The following UBR3 variants were observed in gnomAD, a reference collection of about 807,000 sequenced individuals.
UBR3 encodes the protein ubiquitin protein ligase E3 component n-recognin 3.
Under a neutral mutation model 243.2 loss-of-function variants are expected in UBR3, and 85 were observed. The ratio of observed to expected loss-of-function variants is 0.35; its 90% CI spans 0.29 to 0.42. UBR3 has a LOEUF of 0.42. Among genes scored for constraint, UBR3 ranks in the 10% least tolerant of loss-of-function variants. UBR3 has a pLI of 1.00. For synonymous variants in UBR3, 748 were observed against 799.8 expected, an observed-to-expected ratio of 0.94 and a Z score of 1.09; for missense variants, 1,686 against 2,300.8, an observed-to-expected ratio of 0.73 and a Z score of 5.47.
At chr2:170,075,325 T>C (rs2091784529) in intron 36 of UBR3, among the ~76,000 whole-genome samples, 1 of 152,086 alleles carries the variant, frequency 6.6e-6, no homozygotes. Flanking sequence ...CTTTGATGTC[T>C]GAAAACCTAT....
chr2:169,911,290 T>C (rs550788189), intron 10 of UBR3, among the ~76,000 whole-genome samples: 1 of 152,218 alleles, frequency 6.6e-6, no homozygotes, highest in South Asian at 2.1e-4. Flanking sequence ...CAACTATAGG[T>C]TACTACAGAC....
chr2:170,018,403 T>C (rs1318566477), intron 30 of UBR3, among the ~76,000 whole-genome samples: 7 of 152,294 alleles, frequency 4.6e-5, no homozygotes, highest in South Asian at 4.1e-4. Context: ...TTCTCACATA[T>C]AGCATAGCTG....
chr2:169,912,109 A>G (rs894386535), intron 10 of UBR3, among the ~76,000 whole-genome samples: 1 of 152,198 alleles, frequency 6.6e-6, no homozygotes, highest in Non-Finnish European at 1.5e-5. Context: ...TTAAAAAGGC[A>G]TATTTATATA....
At chr2:169,933,083 TATG>T in intron 19 of UBR3, 75 bp downstream of exon 19, 5 of 960,094 alleles carry the variant, frequency 5.2e-6, no homozygotes, top group Non-Finnish European at 7.7e-6. Flanking sequence ...ATAACACAGA[TATG>T]ATATGCTCTC....
chr2:169,891,955 A>G (rs184731551), intron 6 of UBR3, among the ~76,000 whole-genome samples: 2 of 152,212 alleles, frequency 1.3e-5, no homozygotes, highest in Non-Finnish European at 2.9e-5. Context: ...AGGGATTTTC[A>G]TATCTTAACG....
At chr2:169,948,944 C>T (rs1324093133) in intron 22 of UBR3, among the ~76,000 whole-genome samples, 1 of 151,488 alleles carries the variant, frequency 6.6e-6, no homozygotes, top group East Asian at 1.9e-4. Context: ...AAATCATAGT[C>T]CTTGACCCAC....
chr2:169,902,611 GTCT>G (rs2084870272), intron 8 of UBR3, among the ~76,000 whole-genome samples: 1 of 80,260 alleles, frequency 1.2e-5, no homozygotes, highest in South Asian at 6.2e-4. Flanking sequence ...CCTCAGGAGA[GTCT>G]TTTTTTTTTT....
intron 1 of UBR3, among the ~76,000 whole-genome samples, chr2:169,864,799 C>T (rs1022334092): frequency 4.0e-5 from 6 of 150,510 alleles, no homozygotes; most frequent in Non-Finnish European, 5.9e-5. Flanking sequence ...CCCAGCTACT[C>T]GGAAGGCTGA....
intron 30 of UBR3, among the ~76,000 whole-genome samples, chr2:170,029,049 G>A (rs1405164686): frequency 6.6e-6 from 1 of 151,922 alleles, no homozygotes; most frequent in Non-Finnish European, 1.5e-5. Flanking sequence ...AGTACAAACT[G>A]GCAAGGCTGC....
intron 10 of UBR3, among the ~76,000 whole-genome samples, chr2:169,910,742 A>T (rs766542781): frequency 1.0e-3 from 155 of 152,262 alleles, no homozygotes; most frequent in Middle Eastern, 6.8e-3. Context: ...ATCTCCTATA[A>T]AGTACATGGC....
intron 10 of UBR3, among the ~76,000 whole-genome samples, chr2:169,908,949 G>A (rs2085133252): frequency 1.3e-5 from 2 of 149,920 alleles, no homozygotes; most frequent in South Asian, 2.1e-4. Flanking sequence ...TCAGCCTCCC[G>A]AGTAGGTGGG....
intron 27 of UBR3, among the ~76,000 whole-genome samples, chr2:170,001,942 A>G (rs1484079892): frequency 1.6e-5 from 2 of 125,234 alleles, no homozygotes; most frequent in South Asian, 2.4e-4. Flanking sequence ...AAAAAAAAAA[A>G]GAAAGAAAAA....
Position 169,832,793 on chromosome 2 carries a change from C to T in UBR3, c.545+4741C>T, listed in dbSNP as rs372320744. ...TACTAAAAATACAAAATTATCTGGG[C>T]ATGATGGTGCATGCCTGTAATCCCA... On this transcript the variant is annotated intron_variant, in intron 1 of 38. Coordinates refer to ENST00000272793, the MANE Select transcript of UBR3 (RefSeq NM_172070.4). Among the ~76,000 whole-genome samples the T allele has an allele frequency of 2.6e-5, 4 of 151,786 alleles. No individual in the cohort carries two copies. The South Asian group carries it at 6.3e-4, about 24-fold the overall frequency.
rs867793391 is a variant in UBR3, at chr2:169,890,563, A to G, written c.1039-602A>G. 4.1e-3 allele frequency among the ~76,000 whole-genome samples: 340 copies of G among 83,888 alleles called. 29 individuals are homozygous for G. The highest frequency in any genetic ancestry group is 0.016 in the African/African-American group (323 of 19,714). 55.0% of individuals were successfully genotyped at this position (83,888 alleles called of 152,430 possible). A position where few individuals can be genotyped will look rare whatever the true frequency, so the allele number is the denominator to read the frequency against. ...GAGATATATATATATATATATATAT[A>G]TGTGTATATATATATATGTATATAT... On this transcript the variant is annotated intron_variant, in intron 5 of 38. Transcript: ENST00000272793.
intron 3 of UBR3, among the ~76,000 whole-genome samples, chr2:169,876,770 G>A (rs929419077): frequency 1.3e-5 from 2 of 152,024 alleles, no homozygotes; most frequent in Admixed American, 6.6e-5. Flanking sequence ...AACCATGTTG[G>A]CCAGGCTGGT....
intron 1 of UBR3, among the ~76,000 whole-genome samples, chr2:169,842,781 G>A (rs1384606548): frequency 6.6e-6 from 1 of 152,202 alleles, no homozygotes; most frequent in Non-Finnish European, 1.5e-5. Flanking sequence ...CACCTTAAGA[G>A]CTGTAACACC....
chr2:170,059,133 AT>A, intron 33 of UBR3, among the ~76,000 whole-genome samples: 1 of 152,300 alleles, frequency 6.6e-6, no homozygotes, highest in Middle Eastern at 3.4e-3. Context: ...GATTGCCTAT[AT>A]AAAATATTTT....
chr2:170,079,359 A>C (rs1334226380), intron 36 of UBR3, among the ~76,000 whole-genome samples: 1 of 152,220 alleles, frequency 6.6e-6, no homozygotes, highest in African/African-American at 2.4e-5. Flanking sequence ...ATAAAGTATT[A>C]AAGTAGAAAA....
intron 1 of UBR3, among the ~76,000 whole-genome samples, chr2:169,860,586 T>G (rs2083052899): frequency 6.6e-6 from 1 of 152,196 alleles, no homozygotes; most frequent in Non-Finnish European, 1.5e-5. Context: ...TTTTTCTGTT[T>G]TTTTTTCCTC....
Sources: allele counts gnomAD v4.1 joint callset (sites outside exome capture counted in the v4.1 genomes callset), GRCh38; gene constraint gnomAD v4.1.1; transcripts MANE v1.5; gene names NCBI Gene and HGNC (gene_info 2026-07-23, HGNC 2026-07-21).